ESR1: variants seen among roughly 807,000 people sequenced by gnomAD.
ESR1 encodes the protein estrogen receptor.
In ESR1, 12 loss-of-function variants were observed where a neutral mutation model predicts 52.7. The observed-to-expected ratio is 0.23, with a 90% CI of 0.15 to 0.37. The LOEUF is 0.37. Ranked by LOEUF, ESR1 falls within the 10% of genes least tolerant of loss-of-function variation. The pLI is 1.00. For synonymous variants in ESR1, 305 were observed against 316.8 expected, an observed-to-expected ratio of 0.96 and a Z score of 0.39; for missense variants, 584 against 779.7, an observed-to-expected ratio of 0.75 and a Z score of 2.99.
chr6:151,693,580 T>C (rs111505941), intron 1 of ESR1, among the ~76,000 whole-genome samples: 3 of 152,336 alleles, frequency 2.0e-5, no homozygotes, highest in African/African-American at 7.2e-5. Flanking sequence ...TGTTGCTTCA[T>C]TGTTGGGCAA....
At chr6:152,062,927 T>A (rs1428717315) in intron 6 of ESR1, among the ~76,000 whole-genome samples, 1 of 152,208 alleles carries the variant, frequency 6.6e-6, no homozygotes, top group Non-Finnish European at 1.5e-5. Flanking sequence ...TTGTTTCTGT[T>A]CCTATGGCAG....
chr6:152,047,649 A>G lies in ESR1; in HGVS notation c.1236-13342A>G, dbSNP rs556871141. 5.3e-5 allele frequency among the ~76,000 whole-genome samples: 8 copies of G among 152,308 alleles called. No homozygotes were observed. In the East Asian group the frequency reaches 1.5e-3, roughly 29 times the overall value. On this transcript the variant is annotated intron_variant, in intron 5 of 7. Transcript: ENST00000206249. ...GTGTGAGTTCCTTGAGGGCAGAGAA[A>G]AATACAAATCCATGAATACCTGAAA... is the stretch of plus-strand genomic sequence containing the variant.
Position 151,682,812 on chromosome 6 carries a change from G to C in ESR1, n.74-19063G>C, listed in dbSNP as rs150419271. ...TAAATGTTTGGATATGATTTCAGGG[G>C]ATTCCAAATCCCCTGGGGACCCCCC... On this transcript the variant is annotated intron_variant and non_coding_transcript_variant, in intron 1 of 2. Coordinates refer to the ESR1 transcript ENST00000473497. Among the ~76,000 whole-genome samples, 950 of 152,284 alleles carry C rather than the reference G, an allele frequency of 6.2e-3. 6 individuals carry two copies. The highest frequency in any genetic ancestry group is 0.014 in the Middle Eastern group (4 of 294).
At chr6:151,779,523 A>T (rs878972166) in intron 2 of ESR1, among the ~76,000 whole-genome samples, 1 of 152,212 alleles carries the variant, frequency 6.6e-6, no homozygotes, top group Admixed American at 6.5e-5. Flanking sequence ...AAGTAAAAAT[A>T]TAACAGGTAC....
intron 3 of ESR1, chr6:151,936,129 A>G (rs1372200918): frequency 6.6e-6 from 1 of 152,262 alleles, no homozygotes; most frequent in Admixed American, 6.5e-5. Flanking sequence ...GTAAAGGGAT[A>G]GACAACAACC....
intron 4 of ESR1, among the ~76,000 whole-genome samples, chr6:151,988,348 C>G (rs2040697847): frequency 6.6e-6 from 1 of 151,988 alleles, no homozygotes; most frequent in Admixed American, 6.6e-5. Flanking sequence ...AGGATTCGTG[C>G]TCCTATGAGA....
intron 5 of ESR1, among the ~76,000 whole-genome samples, chr6:152,044,579 A>T (rs1051067863): frequency 3.3e-5 from 4 of 120,968 alleles, no homozygotes; most frequent in African/African-American, 1.6e-4. Flanking sequence ...TGCGGCCTTC[A>T]GTCTCTGGCT....
chr6:151,975,936 G>C (rs1017747022), intron 4 of ESR1, among the ~76,000 whole-genome samples: 1 of 152,146 alleles, frequency 6.6e-6, no homozygotes, highest in Non-Finnish European at 1.5e-5. Context: ...CCCCTTAACT[G>C]GGTAGGCAGT....
intron 2 of ESR1, among the ~76,000 whole-genome samples, chr6:151,742,105 A>G (rs962729566): frequency 6.6e-6 from 1 of 152,192 alleles, no homozygotes; most frequent in Admixed American, 6.5e-5. Flanking sequence ...GGCAAATGGC[A>G]AGATCTCATT....
At chr6:151,729,329 A>G (rs1782074308) in intron 2 of ESR1, among the ~76,000 whole-genome samples, 3 of 152,156 alleles carry the variant, frequency 2.0e-5, no homozygotes, top group African/African-American at 7.2e-5. Flanking sequence ...CAGAACCATG[A>G]GAAGTAAATT....
intron 3 of ESR1, among the ~76,000 whole-genome samples, chr6:151,934,380 G>T (rs1022228339): frequency 6.6e-6 from 1 of 152,098 alleles, no homozygotes; most frequent in African/African-American, 2.4e-5. Context: ...GTGAGGATAG[G>T]GATTTGGCTT....
At chr6:151,958,903 C>G (rs2037315353) in intron 4 of ESR1, among the ~76,000 whole-genome samples, 1 of 152,112 alleles carries the variant, frequency 6.6e-6, no homozygotes, top group Admixed American at 6.5e-5. Flanking sequence ...TCTTTTGCCC[C>G]TCTTTGGGAT....
chr6:151,923,004 C>A (rs1221124577), intron 3 of ESR1, among the ~76,000 whole-genome samples: 1 of 152,170 alleles, frequency 6.6e-6, no homozygotes, highest in African/African-American at 2.4e-5. Context: ...CTGGCTCCTA[C>A]CATCTGCTAT....
chr6:151,717,004 C>T (rs1781094700), intron 2 of ESR1, among the ~76,000 whole-genome samples: 1 of 152,202 alleles, frequency 6.6e-6, no homozygotes, highest in African/African-American at 2.4e-5. Flanking sequence ...CCAAGGGAAT[C>T]TCCTGGTCTG....
chr6:151,961,414 A>G (rs571028606), intron 4 of ESR1, among the ~76,000 whole-genome samples: 1 of 152,214 alleles, frequency 6.6e-6, no homozygotes, highest in South Asian at 2.1e-4. Flanking sequence ...AGCAGCCGTG[A>G]TAGAGGGAGG....
intron 2 of ESR1, among the ~76,000 whole-genome samples, chr6:151,753,724 T>G (rs1784076546): frequency 6.6e-6 from 1 of 152,236 alleles, no homozygotes; most frequent in African/African-American, 2.4e-5. Context: ...GGTAAAAGTT[T>G]GGCTTAACTT....
upstream of ESR1, among the ~76,000 whole-genome samples, chr6:151,686,942 C>T (rs1778713946): frequency 6.6e-6 from 1 of 152,190 alleles, no homozygotes; most frequent in African/African-American, 2.4e-5. Flanking sequence ...CCAGAGCCCC[C>T]TATGTGTTAT....
At chr6:151,895,124 T>G (rs11753147) in intron 3 of ESR1, among the ~76,000 whole-genome samples, 1 of 92,976 alleles carries the variant, frequency 1.1e-5, no homozygotes, top group East Asian at 2.3e-4. Flanking sequence ...TTAGTTTTTG[T>G]TTTTTTTGGT....
At chr6:151,960,399 T>A (rs2037514165) in intron 4 of ESR1, among the ~76,000 whole-genome samples, 1 of 151,822 alleles carries the variant, frequency 6.6e-6, no homozygotes, top group Non-Finnish European at 1.5e-5. Context: ...AGGGTGAGGG[T>A]CAAGTTAGAG....
Sources: allele counts gnomAD v4.1 joint callset (sites outside exome capture counted in the v4.1 genomes callset), GRCh38; gene constraint gnomAD v4.1.1; transcripts MANE v1.5; gene names NCBI Gene and HGNC (gene_info 2026-07-23, HGNC 2026-07-21).